Variants in HMCN2 observed in about 807,000 individuals in gnomAD.
HMCN2 encodes the protein hemicentin 2.
HMCN2 carries 325 observed loss-of-function variants against 377.5 expected under a neutral mutation model. That is an observed-to-expected ratio of 0.86 (90% confidence interval 0.79 to 0.94). HMCN2 has a LOEUF of 0.94. HMCN2 is among the 40% of genes least tolerant of loss of function. The pLI, the probability that HMCN2 is intolerant of heterozygous loss-of-function variation, is 0.00. For synonymous variants in HMCN2, 2,007 were observed against 2,046.8 expected (o/e 0.98, Z 0.53); for missense variants, 4,543 against 4,725.3 (o/e 0.96, Z 1.13).
intron 90 of HMCN2, among the ~76,000 whole-genome samples, chr9:130,426,564 C>T (rs562683168): frequency 2.9e-4 from 44 of 152,210 alleles, no homozygotes; most frequent in African/African-American, 9.1e-4. Flanking sequence ...TGCAGGGTGT[C>T]GCCGTACAGA....
chr9:130,397,680 A>G (rs1564854359), intron 74 of HMCN2, 25 bp downstream of exon 74: 1 of 1,289,476 alleles, frequency 7.8e-7, no homozygotes, highest in Non-Finnish European at 1.0e-6. Context: ...GAAGGCCTTC[A>G]GTGTCCAGTC....
intron 4 of HMCN2, among the ~76,000 whole-genome samples, chr9:130,288,350 T>C (rs1339024337): frequency 1.3e-5 from 2 of 152,240 alleles, no homozygotes; most frequent in African/African-American, 4.8e-5. Flanking sequence ...CAGAATTGGC[T>C]ACCTCTAAGT....
rs576609326 is a variant in HMCN2 at position 130,381,211 on chromosome 9, A to G, written c.8432-973A>G. Among the ~76,000 whole-genome samples the G allele has an allele frequency of 1.2e-4, 19 of 152,168 alleles. No homozygotes were observed. In the South Asian group the frequency reaches 4.0e-3, roughly 32 times the overall value. On this transcript the variant is annotated intron_variant, in intron 54 of 97. Coordinates refer to ENST00000683500, the MANE Select transcript of HMCN2 (RefSeq NM_001291815.2). ...CCCCTACAATGCCACTGCTGCCTCAATCCTGGCCACTGGGCTCTGCAGGCT... is the reference window on the plus strand; with the variant it reads ...CCCCTACAATGCCACTGCTGCCTCAGTCCTGGCCACTGGGCTCTGCAGGCT...
At chr9:130,355,138 G>A (rs1314427785) in intron 32 of HMCN2, 94 bp downstream of exon 32, 10 of 1,031,252 alleles carry the variant, frequency 9.7e-6, no homozygotes, top group Non-Finnish European at 1.3e-5. Context: ...CTGGAGTGGA[G>A]GGAGGGTGGG....
At chr9:130,374,829 C>A in intron 49 of HMCN2, 136 bp downstream of exon 49, 349 of 219,104 alleles carry the variant, frequency 1.6e-3, no homozygotes, top group Non-Finnish European at 2.5e-3. Flanking sequence ...CAACAAAAAT[C>A]ATATAGCGAC....
chr9:130,360,694 C>T lies in HMCN2; in HGVS notation c.5950+90C>T. 7 of 686,566 alleles carry T rather than the reference C, an allele frequency of 1.0e-5. No homozygotes were observed. Among genetic ancestry groups the T allele is most frequent in the Non-Finnish European group, 1.5e-5 (7 of 473,318 alleles). 42.5% of individuals were successfully genotyped at this position (686,566 alleles called of 1,614,324 possible). A position where few individuals can be genotyped will look rare whatever the true frequency, so the allele number is the denominator to read the frequency against. ...TAGTCTGTCCATCCACCTGTCCACT[C>T]ATCCATCCATCTACCACCCCATCCA... On this transcript the variant is annotated intron_variant, in intron 38 of 97. Coordinates refer to ENST00000683500, the MANE Select transcript of HMCN2 (RefSeq NM_001291815.2). The surrounding 1 kb of genome is among the most constrained non-coding windows in gnomAD (Gnocchi z 4.7).
chr9:130,298,973 CACAGAG>C (rs1375944857), intron 7 of HMCN2, 46 bp from the exon 8 acceptor site: 2 of 430,054 alleles, frequency 4.7e-6, no homozygotes, highest in Non-Finnish European at 9.8e-6. Context: ...TGAGGGGGAT[CACAGAG>C]GCAGACACTG....
rs1162463414 is a variant in HMCN2 at position 130,384,557 on chromosome 9, C to T, written c.8992+23C>T. 3.8e-6 allele frequency: 5 copies of T among 1,304,054 alleles called. No homozygotes were observed. The Admixed American group carries it at 1.1e-4, about 30-fold the overall frequency. The allele number at this position is 1,304,054 out of a possible 1,614,324, so 80.8% of individuals were successfully genotyped here. On this transcript the variant is annotated intron_variant, in intron 58 of 97. Coordinates refer to ENST00000683500, the MANE Select transcript of HMCN2 (RefSeq NM_001291815.2). ...CTGGTGGGTAAACTGAGGTGTCCGG[C>T]CCAGCTCTAAGGTTACATGGGGAGA...
intron 61 of HMCN2, among the ~76,000 whole-genome samples, chr9:130,387,947 C>G (rs1413503094): frequency 1.3e-5 from 2 of 152,218 alleles, no homozygotes; most frequent in African/African-American, 4.8e-5. Flanking sequence ...AAGAAAGGGA[C>G]TGACACCAGG....
chr9:130,293,087 C>T (rs1588185841), intron 4 of HMCN2, among the ~76,000 whole-genome samples: 1 of 152,158 alleles, frequency 6.6e-6, no homozygotes, highest in East Asian at 1.9e-4. Flanking sequence ...ATTCAAATTT[C>T]ACATTGTAGA....
At chr9:130,425,439 C>G (rs1171460809) in intron 89 of HMCN2, among the ~76,000 whole-genome samples, 1 of 151,340 alleles carries the variant, frequency 6.6e-6, no homozygotes, top group Non-Finnish European at 1.5e-5. Flanking sequence ...GGAGGCTCAC[C>G]CCATCTCCTC....
intron 2 of HMCN2, among the ~76,000 whole-genome samples, chr9:130,284,877 C>T (rs1487846402): frequency 7.9e-5 from 12 of 152,248 alleles, no homozygotes; most frequent in Admixed American, 5.2e-4. Context: ...CGTCACGGTG[C>T]TGGGCTTATT....
At position 130,351,876 on chromosome 9, in the gene HMCN2, A is replaced by G. The variant is rs1385931666; in HGVS notation, c.4585+299A>G. Among the ~76,000 whole-genome samples, 2 of 151,496 alleles carry G rather than the reference A, an allele frequency of 1.3e-5. No individual in the cohort carries two copies. The highest frequency in any genetic ancestry group is 2.9e-5 in the Non-Finnish European group (2 of 67,942). The stretch of plus-strand genomic sequence containing the variant: ...GCCTAGGCTGGAGCGCAGTGGCACC[A>G]TCTTGGCTCACTGCAACCTCCCCCT... On this transcript the variant is annotated intron_variant, in intron 30 of 97. Coordinates refer to ENST00000683500, the MANE Select transcript of HMCN2 (RefSeq NM_001291815.2). The surrounding 1 kb of genome is among the most constrained non-coding windows in gnomAD (Gnocchi z 5.4).
intron 96 of HMCN2, 70 bp from the exon 97 acceptor site, chr9:130,432,359 C>G: frequency 6.9e-7 from 1 of 1,454,976 alleles, no homozygotes; most frequent in East Asian, 2.5e-5. Flanking sequence ...CTTCTCCCCA[C>G]GCACTCCCCC....
At chr9:130,404,188 C>T (rs1159271345) in intron 80 of HMCN2, among the ~76,000 whole-genome samples, 2 of 152,214 alleles carry the variant, frequency 1.3e-5, no homozygotes, top group African/African-American at 4.8e-5. Flanking sequence ...TTTGATCAAT[C>T]ATTGGCTTCA....
In HMCN2 at chr9:130,351,069, C is replaced by T. The variant is rs1839687813; in HGVS notation, c.4431-354C>T. On this transcript the variant is annotated intron_variant, in intron 29 of 97. Transcript: ENST00000683500. The surrounding 1 kb of genome is among the most constrained non-coding windows in gnomAD (Gnocchi z 5.4). Reference sequence around the variant, plus strand: ...TCCCCAGCCCCTGGCAACCACAAGCCTGCTTTCCTTCTCTATGGACGTGCC... The same window carrying T: ...TCCCCAGCCCCTGGCAACCACAAGCTTGCTTTCCTTCTCTATGGACGTGCC... Among the ~76,000 whole-genome samples the T allele has an allele frequency of 6.6e-6, 1 of 152,238 alleles. No individual in the cohort carries two copies.
chr9:130,407,451 C>T (rs1843156329), intron 82 of HMCN2, 120 bp from the exon 83 acceptor site: 2 of 895,598 alleles, frequency 2.2e-6, no homozygotes, highest in Non-Finnish European at 3.0e-6. Context: ...ATTTGATCAA[C>T]CTTCACCCGG....
In HMCN2 at chr9:130,268,504, G is replaced by A. The variant is rs139458385; in HGVS notation, c.259+2367G>A. ...GGTAGCCCTCTGGGACAGGCCAGGTGGGGAGTAGAAAGTGACATGTGGTGG... is the reference window on the plus strand; with the variant it reads ...GGTAGCCCTCTGGGACAGGCCAGGTAGGGAGTAGAAAGTGACATGTGGTGG... On this transcript the variant is annotated intron_variant, in intron 1 of 97. Transcript: ENST00000683500. Among the ~76,000 whole-genome samples the A allele has an allele frequency of 4.7e-3, 699 of 149,358 alleles. 78 individuals are homozygous for A. Among genetic ancestry groups the A allele is most frequent in the Admixed American group, 9.9e-3 (149 of 15,018 alleles).
intron 24 of HMCN2, among the ~76,000 whole-genome samples, chr9:130,341,728 T>C (rs1459601219): frequency 6.6e-6 from 1 of 151,870 alleles, no homozygotes; most frequent in African/African-American, 2.4e-5. Flanking sequence ...CAGACAACCA[T>C]AGGCCAGTCA....
Sources: allele counts gnomAD v4.1 joint callset (sites outside exome capture counted in the v4.1 genomes callset), GRCh38; gene constraint gnomAD v4.1.1; non-coding constraint Gnocchi (gnomAD v3.1); transcripts MANE v1.5; gene names NCBI Gene and HGNC (gene_info 2026-07-23, HGNC 2026-07-21).